AGAP1: variants seen among roughly 807,000 people sequenced by gnomAD.
AGAP1 encodes arf-GAP with GTPase, ANK repeat and PH domain-containing protein 1.
A neutral mutation model predicts 105.3 loss-of-function variants in AGAP1; 29 were observed. The observed-to-expected ratio is 0.28, with a 90% confidence interval of 0.21 to 0.38. The LOEUF (loss-of-function observed/expected upper bound fraction) is 0.38. Among genes scored for constraint, AGAP1 ranks in the 10% least tolerant of loss-of-function variants. The probability of loss-of-function intolerance (pLI) is 1.00; values close to 1 mark genes in which losing one functional copy is unlikely to be tolerated. For synonymous variants in AGAP1, 509 were observed against 485.9 expected (o/e 1.05, Z -0.63); for missense variants, 998 against 1,165.1 (o/e 0.86, Z 2.09).
intron 1 of AGAP1, among the ~76,000 whole-genome samples, chr2:235,548,001 C>T (rs138425019): frequency 6.6e-6 from 1 of 152,236 alleles, no homozygotes; most frequent in Non-Finnish European, 1.5e-5. Context: ...GCAGGTATAG[C>T]GGTGACAGCT....
chr2:235,914,580 A>G (rs1211690077), intron 11 of AGAP1, among the ~76,000 whole-genome samples: 1 of 152,198 alleles, frequency 6.6e-6, no homozygotes, highest in African/African-American at 2.4e-5. Context: ...TCACACTTTA[A>G]AATGCTGGAA....
Position 235,789,663 on chromosome 2 carries a change from G to T in AGAP1, c.674-8096G>T, listed in dbSNP as rs1167564015. ...TATATATAGTCATATTTTGTGCTTCGATACTCAGAAGGTAAGGCATCAAAG... is the reference window on the plus strand; with the variant it reads ...TATATATAGTCATATTTTGTGCTTCTATACTCAGAAGGTAAGGCATCAAAG... On this transcript the variant is annotated intron_variant, in intron 6 of 17. Transcript: ENST00000304032. The surrounding 1 kb of genome is among the most constrained non-coding windows in gnomAD (Gnocchi z 4.2). Among the ~76,000 whole-genome samples the T allele has an allele frequency of 6.6e-6, 1 of 151,986 alleles. No individual in the cohort carries two copies. Among genetic ancestry groups the T allele is most frequent in the Admixed American group, 6.6e-5 (1 of 15,254 alleles).
At chr2:235,567,559 G>A (rs1029994540) in intron 1 of AGAP1, among the ~76,000 whole-genome samples, 2 of 152,200 alleles carry the variant, frequency 1.3e-5, no homozygotes. Flanking sequence ...CTTTTCATGG[G>A]TCTCAGGTCT....
At chr2:235,624,601 G>C (rs1316242850) in intron 1 of AGAP1, among the ~76,000 whole-genome samples, 3 of 152,184 alleles carry the variant, frequency 2.0e-5, no homozygotes, top group Non-Finnish European at 4.4e-5. Flanking sequence ...ATGTGCGTGT[G>C]TGCTGGCATT....
At chr2:235,804,513 G>C (rs527685285) in intron 8 of AGAP1, among the ~76,000 whole-genome samples, 1 of 152,182 alleles carries the variant, frequency 6.6e-6, no homozygotes, top group Non-Finnish European at 1.5e-5. Context: ...TCCAGCAGCC[G>C]TTGACTTAGC....
intron 1 of AGAP1, among the ~76,000 whole-genome samples, chr2:235,644,064 G>T (rs990732390): frequency 2.0e-5 from 3 of 152,148 alleles, no homozygotes; most frequent in African/African-American, 7.2e-5. Flanking sequence ...TCAGTCTATT[G>T]CAAAGCAGCC....
intron 6 of AGAP1, among the ~76,000 whole-genome samples, chr2:235,760,749 G>T (rs937804939): frequency 6.6e-6 from 1 of 152,044 alleles, no homozygotes; most frequent in East Asian, 1.9e-4. Flanking sequence ...CCATGCCCAG[G>T]TCATTTTTCA....
chr2:236,046,731 C>T lies in AGAP1; in HGVS notation c.1892-2328C>T, dbSNP rs2057727831. Among the ~76,000 whole-genome samples, 1 of 152,078 alleles carries T rather than the reference C, an allele frequency of 6.6e-6. No individual in the cohort carries two copies. The highest frequency in any genetic ancestry group is 1.5e-5 in the Non-Finnish European group (1 of 68,018). On this transcript the variant is annotated intron_variant, in intron 15 of 17. Transcript: ENST00000304032. The surrounding 1 kb of genome is among the most constrained non-coding windows in gnomAD (Gnocchi z 5.2). Reference sequence around the variant, plus strand: ...GACTACACAGTCAGAAGAGATGACCCCACAGGAGCCCTGAGGTCAGGGAGG... The same window carrying T: ...GACTACACAGTCAGAAGAGATGACCTCACAGGAGCCCTGAGGTCAGGGAGG...
intron 1 of AGAP1, chr2:235,670,696 C>T (rs368802587): frequency 1.1e-5 from 8 of 726,958 alleles, no homozygotes; most frequent in East Asian, 3.0e-5. Context: ...AGCCCGCGAC[C>T]GCCACGCAGC....
At chr2:236,043,841 A>G in intron 15 of AGAP1, among the ~76,000 whole-genome samples, 1 of 152,154 alleles carries the variant, frequency 6.6e-6, no homozygotes, top group Non-Finnish European at 1.5e-5. Context: ...ATTTACAGGT[A>G]TTTAGAGGGG....
chr2:235,927,367 T>C lies in AGAP1; in HGVS notation c.1325-3398T>C, dbSNP rs1014111090. ...CTCTGAGCCACACCCTCAGAGCTGC[T>C]GCACCAGCATCTCAGTGGATTGGAC... On this transcript the variant is annotated intron_variant, in intron 11 of 17. Coordinates refer to ENST00000304032, the MANE Select transcript of AGAP1 (RefSeq NM_001037131.3). The surrounding 1 kb of genome is among the most constrained non-coding windows in gnomAD (Gnocchi z 4.4). Among the ~76,000 whole-genome samples the C allele has an allele frequency of 1.3e-5, 2 of 152,220 alleles. No homozygotes were observed. Among genetic ancestry groups the C allele is most frequent in the African/African-American group, 2.4e-5 (1 of 41,464 alleles).
In AGAP1 at chr2:236,083,081, G is replaced by A. The variant is rs927379335; in HGVS notation, c.2114+33800G>A. On this transcript the variant is annotated intron_variant, in intron 16 of 17. Transcript: ENST00000304032. The surrounding 1 kb of genome is among the most constrained non-coding windows in gnomAD (Gnocchi z 5.3). The stretch of plus-strand genomic sequence containing the variant: ...GAGGCAGGAGAATCACTTGAACCTG[G>A]GAGGCATAGGTTGCAGTGAGCCGAG... Among the ~76,000 whole-genome samples, 1 of 152,148 alleles carries A rather than the reference G, an allele frequency of 6.6e-6. No homozygotes were observed. Among genetic ancestry groups the A allele is most frequent in the Admixed American group, 6.5e-5 (1 of 15,274 alleles).
intron 9 of AGAP1, among the ~76,000 whole-genome samples, chr2:235,819,775 G>A (rs550487903): frequency 5.3e-5 from 8 of 152,164 alleles, no homozygotes; most frequent in Admixed American, 1.3e-4. Flanking sequence ...TGCACACTCC[G>A]AGACATGTTC....
chr2:235,589,742 G>A (rs1050208895), intron 1 of AGAP1, among the ~76,000 whole-genome samples: 12 of 152,034 alleles, frequency 7.9e-5, no homozygotes, highest in African/African-American at 2.9e-4. Context: ...AGGAAGCAGT[G>A]GTCATTTTAG....
rs182488742 is a variant in AGAP1 at position 236,002,449 on chromosome 2, G to A, written c.1645+33826G>A. Among the ~76,000 whole-genome samples the A allele has an allele frequency of 1.4e-4, 21 of 152,320 alleles. No homozygotes were observed. Among genetic ancestry groups the A allele is most frequent in the Admixed American group, 1.3e-3 (20 of 15,296 alleles). On this transcript the variant is annotated intron_variant, in intron 13 of 17. Transcript: ENST00000304032. This position sits in a 1 kb window ranked among gnomAD's most constrained non-coding sequence, Gnocchi z 4.3. ...CACATGTGTGAGTAGGGGAGAGGCT[G>A]TGTGTTTTCATAAGCGAATCCTGAT...
rs1575053334 is a variant in AGAP1, at chr2:235,655,706, A to G, written c.164-53473A>G. ...GCCCCGTGTGTTGCTCTGCAAGTCC[A>G]CATGGAGCAGGATTCCTTATTTTGT... On this transcript the variant is annotated intron_variant, in intron 1 of 17. Transcript: ENST00000304032. This position sits in a 1 kb window ranked among gnomAD's most constrained non-coding sequence, Gnocchi z 4.3. Among the ~76,000 whole-genome samples, 1 of 152,366 alleles carries G rather than the reference A, an allele frequency of 6.6e-6. No homozygotes were observed. Among genetic ancestry groups the G allele is most frequent in the African/African-American group, 2.4e-5 (1 of 41,592 alleles).
In AGAP1 at chr2:236,000,183, T is replaced by C. The variant is rs1033520665; in HGVS notation, c.1645+31560T>C. ...GCTGCATATTACGTTGTTATTTTTG[T>C]CTTTCCAATTACACTAACTCCTCAC... On this transcript the variant is annotated intron_variant, in intron 13 of 17. Transcript: ENST00000304032. The surrounding 1 kb of genome is among the most constrained non-coding windows in gnomAD (Gnocchi z 4.3). Among the ~76,000 whole-genome samples the C allele has an allele frequency of 3.9e-5, 6 of 152,204 alleles. No individual in the cohort carries two copies. The highest frequency in any genetic ancestry group is 1.4e-4 in the African/African-American group (6 of 41,448).
chr2:235,821,081 A>G (rs1356175365), intron 9 of AGAP1, among the ~76,000 whole-genome samples: 1 of 152,232 alleles, frequency 6.6e-6, no homozygotes, highest in African/African-American at 2.4e-5. Context: ...CACTAGGAGA[A>G]AGGGAAAAAG....
chr2:235,738,744 G>A (rs1241453763), intron 3 of AGAP1, among the ~76,000 whole-genome samples: 1 of 151,884 alleles, frequency 6.6e-6, no homozygotes, highest in Non-Finnish European at 1.5e-5. Context: ...TTTTAGTAGA[G>A]ACAGGGTTTC....
Sources: allele counts gnomAD v4.1 joint callset (sites outside exome capture counted in the v4.1 genomes callset), GRCh38; gene constraint gnomAD v4.1.1; non-coding constraint Gnocchi (gnomAD v3.1); transcripts MANE v1.5; gene names NCBI Gene and HGNC (gene_info 2026-07-23, HGNC 2026-07-21).